The following CD3E variants were observed in gnomAD, a reference collection of about 807,000 sequenced individuals.
CD3E encodes CD3 epsilon subunit of T-cell receptor complex, also known as T-cell surface glycoprotein CD3 epsilon chain.
A neutral mutation model predicts 34.7 loss-of-function variants in CD3E; 16 were observed. The ratio of observed to expected loss-of-function variants is 0.46; its 90% confidence interval spans 0.31 to 0.70. The LOEUF is 0.70. CD3E is among the 30% of genes least tolerant of loss of function. The probability of loss-of-function intolerance (pLI) is 0.05; values close to 1 mark genes in which losing one functional copy is unlikely to be tolerated. For missense variants in CD3E, 223 were observed against 253.9 expected (o/e 0.88, Z 0.83); for synonymous variants, 70 against 90.8 (o/e 0.77, Z 1.30).
chr11:118,311,996 C>T, intron 4 of CD3E, 157 bp from the exon 5 acceptor site: 1 of 715,302 alleles, frequency 1.4e-6, no homozygotes, highest in Admixed American at 2.0e-5. Flanking sequence ...ATAGGCTAAG[C>T]ATGAACCTCA....
chr11:118,311,663 T>C (rs58712104), intron 4 of CD3E, among the ~76,000 whole-genome samples: 2,493 of 152,332 alleles, frequency 0.016, 62 homozygotes, highest in African/African-American at 0.056. Context: ...AGTCCACGAA[T>C]CAGTGATTCA....
At chr11:118,305,103 A>T in intron 2 of CD3E, 102 bp downstream of exon 2, 1 of 1,047,124 alleles carries the variant, frequency 9.5e-7, no homozygotes, top group Non-Finnish European at 1.5e-6. Flanking sequence ...CTCATTTACC[A>T]GATGTAAGGA....
rs563640457 is a variant in CD3E, at chr11:118,314,474, G to T, written c.547G>T (p.Val183Phe). The T allele has an allele frequency of 4.3e-6, 7 of 1,613,934 alleles. No individual in the cohort carries two copies. The Admixed American group carries it at 1.2e-4, about 27-fold the overall frequency. ...RGQNKERPPP[V>F]PNPDYEPIRK... Reference sequence around the variant, plus strand: ...ACAAAACAAGGAGAGGCCACCACCTGTTCCCAACCCAGACTATGAGGTAAC... The same window carrying T: ...ACAAAACAAGGAGAGGCCACCACCTTTTCCCAACCCAGACTATGAGGTAAC... The change falls in exon 8 of 9, where the codon GTT becomes TTT. Residue 183 changes from valine (V) to phenylalanine (F), a missense_variant. Val to Phe is a conservative substitution (Grantham distance 50). Transcript: ENST00000361763.
intron 8 of CD3E, 25 bp from the exon 9 acceptor site, chr11:118,315,461 C>A: frequency 6.2e-7 from 1 of 1,608,422 alleles, no homozygotes; most frequent in African/African-American, 1.3e-5. Flanking sequence ...CACCACTGAC[C>A]GCCCCCTCTC....
chr11:118,313,813 G>A lies in CD3E; in HGVS notation c.459G>A (p.Lys153=). ...GLLLLVYYWS[K]NRKAKAKPVT... The stretch of plus-strand genomic sequence containing the variant: ...TGCTGCTGGTTTACTACTGGAGCAA[G>A]AATAGAAAGGCCAAGGCCAAGCCTG... The change falls in exon 7 of 9, where the codon AAG becomes AAA. Residue 153 remains lysine, a synonymous_variant. Coordinates refer to ENST00000361763, the MANE Select transcript of CD3E (RefSeq NM_000733.4). 2.5e-6 allele frequency: 4 copies of A among 1,614,142 alleles called. No homozygotes were observed. Among genetic ancestry groups the A allele is most frequent in the Non-Finnish European group, 3.4e-6 (4 of 1,180,042 alleles).
chr11:118,314,868 A>G (rs1948156957), intron 8 of CD3E, among the ~76,000 whole-genome samples: 1 of 152,080 alleles, frequency 6.6e-6, no homozygotes. Context: ...AAAATTATAT[A>G]AATATTATAT....
Position 118,304,737 on chromosome 11 carries a change from C to T in CD3E, c.-99C>T, listed in dbSNP as rs200256978. On this transcript the variant is annotated 5_prime_UTR_variant, in exon 1 of 9. Coordinates refer to ENST00000361763, the MANE Select transcript of CD3E (RefSeq NM_000733.4). ...ACTTCCTGTGTGGGGTTCAGAAACC[C>T]TCCTCCCCTCCCAGCCTCAGGTGCC... The T allele has an allele frequency of 6.9e-5, 41 of 592,260 alleles. No homozygotes were observed. The highest frequency in any genetic ancestry group is 9.5e-4 in the Middle Eastern group (2 of 2,114). The allele number at this position is 592,260 out of a possible 1,614,324, so 36.7% of individuals were successfully genotyped here. A position where few individuals can be genotyped will look rare whatever the true frequency, so the allele number is the denominator to read the frequency against.
In CD3E at chr11:118,312,761, T is replaced by C. The variant is rs1948142971; in HGVS notation, c.247T>C (p.Ser83Pro). ...CATAGGCAGTGATGAGGATCACCTG[T>C]CACTGAAGGAATTTTCAGAATTGGA... ...KNIGSDEDHLSLKEFSELEQS... is the reference protein window; with the variant it reads ...KNIGSDEDHLPLKEFSELEQS... Residue 83 changes from serine to proline, a missense_variant, in exon 6 of 9, where the codon TCA becomes CCA. By Grantham distance (74) the Ser-to-Pro change is moderately conservative. Coordinates refer to ENST00000361763, the MANE Select transcript of CD3E (RefSeq NM_000733.4). 2.5e-6 allele frequency: 4 copies of C among 1,614,166 alleles called. No individual in the cohort carries two copies. The highest frequency in any genetic ancestry group is 4.5e-5 in the East Asian group (2 of 44,884).
chr11:118,307,333 T>C, intron 3 of CD3E, 25 bp downstream of exon 3: 1 of 1,592,336 alleles, frequency 6.3e-7, no homozygotes, highest in Non-Finnish European at 8.6e-7. Context: ...CTTTCTTTCT[T>C]TTTTATGAAA....
chr11:118,314,551 A>G, intron 8 of CD3E, 57 bp downstream of exon 8: 1 of 1,519,660 alleles, frequency 6.6e-7, no homozygotes, highest in East Asian at 2.3e-5. Flanking sequence ...CCAGGGGGGA[A>G]GGAAACAGAT....
rs200785719 is a variant in CD3E at position 118,305,051 on chromosome 11, G to T, written c.49+50G>T. ...TGGTGTGTCTCCAGACCGCTGGAAGGCTTACAGCCTTACCTGGCACTGCCT... is the reference window on the plus strand; with the variant it reads ...TGGTGTGTCTCCAGACCGCTGGAAGTCTTACAGCCTTACCTGGCACTGCCT... On this transcript the variant is annotated intron_variant, in intron 2 of 8. Coordinates refer to ENST00000361763, the MANE Select transcript of CD3E (RefSeq NM_000733.4). 19 of 1,526,978 alleles carry T rather than the reference G, an allele frequency of 1.2e-5. No individual in the cohort carries two copies. The African/African-American group carries it at 2.5e-4, about 20-fold the overall frequency. The allele number at this position is 1,526,978 out of a possible 1,614,324, so 94.6% of individuals were successfully genotyped here. A position where few individuals can be genotyped will look rare whatever the true frequency, so the allele number is the denominator to read the frequency against.
Position 118,305,008 on chromosome 11 carries a change from A to C in CD3E, c.49+7A>C, listed in dbSNP as rs763215008. 1 of 1,613,518 alleles carries C rather than the reference A, an allele frequency of 6.2e-7. No homozygotes were observed. The highest frequency in any genetic ancestry group is 8.5e-7 in the Non-Finnish European group (1 of 1,179,426). On this transcript the variant is annotated splice_region_variant and intron_variant, in intron 2 of 8. Transcript: ENST00000361763. ...GGCCTCTGCCTCTTATCAGGTGAGT[A>C]GGATGGAGTGGAAAGGGTGGTGTGT...
At chr11:118,311,308 A>G (rs976363432) in intron 4 of CD3E, among the ~76,000 whole-genome samples, 4 of 152,178 alleles carry the variant, frequency 2.6e-5, no homozygotes, top group African/African-American at 9.7e-5. Flanking sequence ...GTTTTCCAGG[A>G]AATAATAAAG....
Position 118,314,461 on chromosome 11 carries a change from G to A in CD3E, c.534G>A (p.Glu178=), listed in dbSNP as rs948241853. 1 of 1,613,922 alleles carries A rather than the reference G, an allele frequency of 6.2e-7. No individual in the cohort carries two copies. The highest frequency in any genetic ancestry group is 1.7e-5 in the Admixed American group (1 of 60,004). The change falls in exon 8 of 9, where the codon GAG becomes GAA. Residue 178 remains glutamate, a synonymous_variant. Transcript: ENST00000361763. ...AGGRQRGQNK[E]RPPPVPNPDY... The stretch of plus-strand genomic sequence containing the variant: ...CTTCCTCCGCAGGACAAAACAAGGA[G>A]AGGCCACCACCTGTTCCCAACCCAG...
intron 6 of CD3E, chr11:118,313,243 A>T (rs142170086): frequency 2.0e-4 from 72 of 362,416 alleles, no homozygotes; most frequent in African/African-American, 1.5e-3. Context: ...CCACTATAGT[A>T]AAATGGCATA....
intron 2 of CD3E, among the ~76,000 whole-genome samples, chr11:118,305,845 C>T (rs1948102522): frequency 6.6e-6 from 1 of 152,182 alleles, no homozygotes; most frequent in African/African-American, 2.4e-5. Context: ...GGCAAAATGG[C>T]TCGTGATGGT....
rs1948142385 is a variant in CD3E, at chr11:118,312,704, A to C, written c.190A>C (p.Lys64Gln). 1 of 1,614,188 alleles carries C rather than the reference A, an allele frequency of 6.2e-7. No individual in the cohort carries two copies. The highest frequency in any genetic ancestry group is 2.2e-5 in the East Asian group (1 of 44,890). Residue 64 changes from lysine to glutamine, a missense_variant, in exon 6 of 9, where the codon AAA becomes CAA. Lys to Gln is a moderately conservative substitution (Grantham distance 53). Coordinates refer to ENST00000361763, the MANE Select transcript of CD3E (RefSeq NM_000733.4). Reference protein sequence around the residue: ...GSEILWQHNDKNIGGDEDDKN... With the variant: ...GSEILWQHNDQNIGGDEDDKN... Reference sequence around the variant, plus strand: ...TGAAATACTATGGCAACACAATGATAAAAACATAGGCGGTGATGAGGATGA... The same window carrying C: ...TGAAATACTATGGCAACACAATGATCAAAACATAGGCGGTGATGAGGATGA...
chr11:118,312,576 T>C, intron 5 of CD3E, 42 bp from the exon 6 acceptor site: 2 of 1,613,876 alleles, frequency 1.2e-6, no homozygotes, highest in Non-Finnish European at 1.7e-6. Context: ...TTTTCTAAAA[T>C]TGTCCTGGTT....
chr11:118,315,546 T>G lies in CD3E; in HGVS notation c.*4T>G. The G allele has an allele frequency of 6.2e-7, 1 of 1,611,638 alleles. No individual in the cohort carries two copies. Among genetic ancestry groups the G allele is most frequent in the Non-Finnish European group, 8.5e-7 (1 of 1,179,064 alleles). Reference sequence around the variant, plus strand: ...CCTGAATCAGAGACGCATCTGACCCTCTGGAGAACACTGCCTCCCGCTGGC... The same window carrying G: ...CCTGAATCAGAGACGCATCTGACCCGCTGGAGAACACTGCCTCCCGCTGGC... On this transcript the variant is annotated 3_prime_UTR_variant, in exon 9 of 9. Coordinates refer to ENST00000361763, the MANE Select transcript of CD3E (RefSeq NM_000733.4).
Sources: gnomAD v4.1 joint callset for allele counts (sites outside exome capture counted in the v4.1 genomes callset) on GRCh38, gnomAD v4.1.1 for gene constraint, MANE v1.5 for transcripts, NCBI Gene and HGNC (gene_info 2026-07-23, HGNC 2026-07-21) for gene names.